TMEM132D: variants seen among roughly 807,000 people sequenced by gnomAD.
The protein encoded by TMEM132D is mature OL transmembrane protein.
Under a neutral mutation model 62.3 loss-of-function variants are expected in TMEM132D, and 21 were observed. That is an observed-to-expected ratio of 0.34 (90% CI 0.24 to 0.49). The LOEUF is 0.49. Ranked by LOEUF, TMEM132D falls within the 20% of genes least tolerant of loss-of-function variation. TMEM132D has a pLI of 0.99. For missense variants in TMEM132D, 1,346 were observed against 1,402.8 expected (o/e 0.96, Z 0.65); for synonymous variants, 621 against 575.6 (o/e 1.08, Z -1.13).
At chr12:129,859,202 G>T (rs911445818) in intron 1 of TMEM132D, among the ~76,000 whole-genome samples, 1 of 152,216 alleles carries the variant, frequency 6.6e-6, no homozygotes, top group Non-Finnish European at 1.5e-5. Context: ...ATCTGCAGCT[G>T]CCTTGATCCT....
Position 129,098,073 on chromosome 12 carries a change from T to G in TMEM132D, c.1444-13371A>C, listed in dbSNP as rs941393791. Reference sequence around the variant, plus strand: ...TTTTACATTTAGTTCTGTGGCCCACTTTAAGTTAGTTTTTGTGAGGACACA... The same window carrying G: ...TTTTACATTTAGTTCTGTGGCCCACGTTAAGTTAGTTTTTGTGAGGACACA... On this transcript the variant is annotated intron_variant, in intron 5 of 8. Transcript: ENST00000422113. 2.0e-5 allele frequency among the ~76,000 whole-genome samples: 3 copies of G among 152,222 alleles called. No individual in the cohort carries two copies. The East Asian group carries it at 5.8e-4, about 29-fold the overall frequency.
intron 3 of TMEM132D, among the ~76,000 whole-genome samples, chr12:129,383,659 G>A (rs914216288): frequency 6.6e-6 from 1 of 152,098 alleles, no homozygotes; most frequent in African/African-American, 2.4e-5. Flanking sequence ...GGCTGGTCTC[G>A]AACTCCTGAC....
chr12:129,387,251 CTAATAA>C (rs113153609), intron 3 of TMEM132D, among the ~76,000 whole-genome samples: 3 of 127,912 alleles, frequency 2.3e-5, no homozygotes, highest in African/African-American at 1.0e-4. Context: ...AATGCTAACA[CTAATAA>C]TAATACTAAC....
intron 1 of TMEM132D, among the ~76,000 whole-genome samples, chr12:129,709,905 T>A (rs2137235208): frequency 6.6e-6 from 1 of 152,358 alleles, no homozygotes; most frequent in African/African-American, 2.4e-5. Flanking sequence ...ACAAAAATTG[T>A]AATCTCTTAG....
intron 2 of TMEM132D, among the ~76,000 whole-genome samples, chr12:129,672,015 C>G (rs940050131): frequency 3.9e-5 from 6 of 152,212 alleles, no homozygotes; most frequent in Admixed American, 3.9e-4. Context: ...CAAAAGAATT[C>G]TGCCTCGTGG....
intron 5 of TMEM132D, among the ~76,000 whole-genome samples, chr12:129,195,744 G>A (rs749360717): frequency 1.3e-5 from 2 of 151,952 alleles, no homozygotes; most frequent in Non-Finnish European, 2.9e-5. Context: ...GTTTTTTTGT[G>A]GCCACAGAAC....
intron 2 of TMEM132D, among the ~76,000 whole-genome samples, chr12:129,693,780 A>G (rs1283486029): frequency 6.6e-6 from 1 of 152,164 alleles, no homozygotes; most frequent in Non-Finnish European, 1.5e-5. Context: ...GCTTATTATA[A>G]TAGTAAAAAA....
At chr12:129,709,276 A>G (rs974549050) in intron 1 of TMEM132D, among the ~76,000 whole-genome samples, 3 of 152,160 alleles carry the variant, frequency 2.0e-5, no homozygotes, top group African/African-American at 7.2e-5. Flanking sequence ...CTAAGAATCC[A>G]TTGTGAGGAA....
chr12:129,611,102 C>T (rs773468565), intron 2 of TMEM132D, among the ~76,000 whole-genome samples: 3 of 152,184 alleles, frequency 2.0e-5, no homozygotes, highest in Non-Finnish European at 4.4e-5. Context: ...TGCCTCACTG[C>T]CTTCCTTTCT....
intron 4 of TMEM132D, among the ~76,000 whole-genome samples, chr12:129,275,636 T>G (rs1340868301): frequency 1.3e-5 from 2 of 152,132 alleles, no homozygotes; most frequent in Non-Finnish European, 2.9e-5. Context: ...AATAAGGAGA[T>G]CAAGGTCAGG....
intron 1 of TMEM132D, among the ~76,000 whole-genome samples, chr12:129,879,018 T>C (rs1365183252): frequency 6.6e-6 from 1 of 152,220 alleles, no homozygotes; most frequent in Non-Finnish European, 1.5e-5. Flanking sequence ...CTTCCACTGT[T>C]TGACACACAG....
chr12:129,790,351 G>A (rs976608228), intron 1 of TMEM132D, among the ~76,000 whole-genome samples: 3 of 152,166 alleles, frequency 2.0e-5, no homozygotes, highest in African/African-American at 7.2e-5. Context: ...CCTCTAGGAG[G>A]AATGAGGTGA....
At chr12:129,545,952 C>A (rs1427133886) in intron 2 of TMEM132D, among the ~76,000 whole-genome samples, 1 of 152,150 alleles carries the variant, frequency 6.6e-6, no homozygotes, top group African/African-American at 2.4e-5. Flanking sequence ...GGAATCATAG[C>A]AGAAGGAGGG....
At chr12:129,797,715 G>A (rs1438958983) in intron 1 of TMEM132D, among the ~76,000 whole-genome samples, 1 of 152,186 alleles carries the variant, frequency 6.6e-6, no homozygotes, top group Admixed American at 6.5e-5. Flanking sequence ...TCACAGCTTT[G>A]CCAACAGACA....
At chr12:129,350,209 C>A (rs1318210283) in intron 3 of TMEM132D, among the ~76,000 whole-genome samples, 4 of 152,122 alleles carry the variant, frequency 2.6e-5, no homozygotes, top group Admixed American at 2.6e-4. Context: ...AAAACACACT[C>A]CTTGAATATG....
chr12:129,075,135 C>T, intron 8 of TMEM132D, 76 bp from the exon 9 acceptor site: 1 of 1,202,722 alleles, frequency 8.3e-7, no homozygotes, highest in South Asian at 1.5e-5. Context: ...ACAGTAGACA[C>T]ACAACGGCAA....
In TMEM132D at chr12:129,733,151, A is replaced by G. The variant is rs1298558636; in HGVS notation, c.80-32453T>C. ...TGAATTTCTCGTCTAGTTTCATCCT[A>G]CTGAATTATCAAACCTGAAGGGGTG... On this transcript the variant is annotated intron_variant, in intron 1 of 8. Transcript: ENST00000422113. Among the ~76,000 whole-genome samples the G allele has an allele frequency of 4.6e-5, 7 of 152,082 alleles. 1 individual carries two copies. Among genetic ancestry groups the G allele is most frequent in the Admixed American group, 1.3e-4 (2 of 15,272 alleles).
chr12:129,546,345 GCTATTGAAAATACATGT>G (rs1876735946), intron 2 of TMEM132D, among the ~76,000 whole-genome samples: 1 of 152,148 alleles, frequency 6.6e-6, no homozygotes, highest in African/African-American at 2.4e-5. Context: ...TAAATGAAAT[GCTATTGAAAATACATGT>G]CTGCGTGTGT....
At chr12:129,273,597 C>T (rs968815133) in intron 4 of TMEM132D, among the ~76,000 whole-genome samples, 2 of 151,796 alleles carry the variant, frequency 1.3e-5, no homozygotes, top group African/African-American at 4.9e-5. Context: ...TAACAGAGAA[C>T]GAAATCATGT....
Sources: gnomAD v4.1 joint callset for allele counts (sites outside exome capture counted in the v4.1 genomes callset) on GRCh38, gnomAD v4.1.1 for gene constraint, MANE v1.5 for transcripts, NCBI Gene and HGNC (gene_info 2026-07-23, HGNC 2026-07-21) for gene names.